INTS6: variants seen among roughly 807,000 people sequenced by gnomAD.
The protein encoded by INTS6 is integrator complex subunit 6.
INTS6 carries 16 observed loss-of-function variants against 104.9 expected under a neutral mutation model. That is an observed-to-expected ratio of 0.15 (90% confidence interval 0.10 to 0.23). The LOEUF is 0.23. Among genes scored for constraint, INTS6 ranks in the 10% least tolerant of loss-of-function variants. INTS6 has a pLI of 1.00. For synonymous variants in INTS6, 324 were observed against 358.7 expected (o/e 0.90, Z 1.09); for missense variants, 584 against 1,062.8 (o/e 0.55, Z 6.26).
At chr13:51,368,303 A>G (rs78161914) in intron 16 of INTS6, among the ~76,000 whole-genome samples, 1,774 of 152,190 alleles carry the variant, frequency 0.012, 52 homozygotes, top group East Asian at 0.067. Flanking sequence ...TAAGAGTGTT[A>G]TTTCAGTTTA....
At chr13:51,410,148 T>C (rs1335487378) in intron 4 of INTS6, among the ~76,000 whole-genome samples, 1 of 152,218 alleles carries the variant, frequency 6.6e-6, no homozygotes, top group Non-Finnish European at 1.5e-5. Context: ...AAAAGTGTCA[T>C]TTTTCCCTCA....
rs781462547 is a variant in INTS6 at position 51,378,433 on chromosome 13, C to T, written c.1408G>A (p.Val470Ile). The T allele has an allele frequency of 1.2e-6, 2 of 1,612,812 alleles. No individual in the cohort carries two copies. The highest frequency in any genetic ancestry group is 1.7e-5 in the Admixed American group (1 of 59,988). Residue 470 changes from valine (V) to isoleucine (I), a missense_variant, in exon 12 of 18, where the codon GTC becomes ATC. This residue lies in a region of INTS6 where 74 missense variants were observed against 64.4 expected (regional missense o/e 1.15). Transcript: ENST00000311234. ...ACTTTTTTGCCTACAGATCCAATGA[C>T]TCGATCAGATTCTATTTTGGCCTAA... The part of the protein sequence containing the change: ...SQQAKIESDR[V>I]IGSVGKKVVQ...
At chr13:51,372,055 G>A (rs1955817103) in intron 15 of INTS6, among the ~76,000 whole-genome samples, 1 of 152,108 alleles carries the variant, frequency 6.6e-6, no homozygotes, top group Non-Finnish European at 1.5e-5. Flanking sequence ...AAGCATCTCT[G>A]ATATTAAAAA....
rs1953099362 is a variant in INTS6, at chr13:51,452,994, CCGG to C, written c.-472_-470del. 3 of 1,003,562 alleles carry C rather than the reference CCGG, an allele frequency of 3.0e-6. No individual in the cohort carries two copies. The highest frequency in any genetic ancestry group is 3.6e-6 in the Non-Finnish European group (3 of 840,876). 62.2% of individuals were successfully genotyped at this position (1,003,562 alleles called of 1,614,324 possible). On this transcript the variant is annotated 5_prime_UTR_variant, in exon 1 of 18. Coordinates refer to ENST00000311234, the MANE Select transcript of INTS6 (RefSeq NM_012141.3). This position sits in a 1 kb window ranked among gnomAD's most constrained non-coding sequence, Gnocchi z 4.2. Reference sequence around the variant, plus strand: ...AAGTTTCAGGGACTCCCTCCGCACCCCGGCGGTGTCACCACTTTCTCAGCCCCT... The same window carrying C: ...AAGTTTCAGGGACTCCCTCCGCACCCCGGTGTCACCACTTTCTCAGCCCCT...
At chr13:51,439,924 A>G (rs1383603948) in intron 3 of INTS6, 1 of 152,198 alleles carries the variant, frequency 6.6e-6, no homozygotes, top group East Asian at 1.9e-4. Flanking sequence ...GTGTGCGCCT[A>G]GAAAAATGAG....
At chr13:51,350,817 A>G (rs1955396270), downstream of INTS6, among the ~76,000 whole-genome samples, 1 of 151,936 alleles carries the variant, frequency 6.6e-6, no homozygotes, top group African/African-American at 2.4e-5. Flanking sequence ...CCTCCCAGCA[A>G]CCTCTGATCT....
At chr13:51,361,471 A>G, downstream of INTS6, 1 of 755,152 alleles carries the variant, frequency 1.3e-6, no homozygotes, top group Non-Finnish European at 2.2e-6. Context: ...CCCCAAGTTC[A>G]GGTGTGGTGT....
At chr13:51,335,962 G>C in the INTS6 span, 4 of 152,102 alleles carry the variant, frequency 2.6e-5, no homozygotes, top group African/African-American at 7.2e-5. Context: ...TCAAGAGAGG[G>C]GTGCTTGCAT....
downstream of INTS6, among the ~76,000 whole-genome samples, chr13:51,353,573 A>G (rs1955432988): frequency 6.6e-6 from 1 of 152,206 alleles, no homozygotes; most frequent in Non-Finnish European, 1.5e-5. Context: ...CTGTTTCAGC[A>G]TTTAGAGTTT....
At chr13:51,390,772 G>A (rs1956232469) in intron 5 of INTS6, among the ~76,000 whole-genome samples, 1 of 151,998 alleles carries the variant, frequency 6.6e-6, no homozygotes, top group Non-Finnish European at 1.5e-5. Context: ...CAACTTAACT[G>A]TATAAAATAA....
At chr13:51,411,559 A>G (rs1956688680) in intron 4 of INTS6, among the ~76,000 whole-genome samples, 1 of 151,996 alleles carries the variant, frequency 6.6e-6, no homozygotes, top group Non-Finnish European at 1.5e-5. Context: ...TCTCAAAAAA[A>G]AAAAAGAAAA....
At position 51,452,533 on chromosome 13, in the gene INTS6, G is replaced by A. The variant is rs1404097242; in HGVS notation, c.-8C>T. ...GAACAGTAAGATGGGCATAGTGCTG[G>A]CCGGGGACACCGGGGCCCGAGGTGG... On this transcript the variant is annotated 5_prime_UTR_variant, in exon 1 of 18. Transcript: ENST00000311234. This position sits in a 1 kb window ranked among gnomAD's most constrained non-coding sequence, Gnocchi z 4.2. The A allele has an allele frequency of 1.2e-6, 2 of 1,609,750 alleles. No individual in the cohort carries two copies. The highest frequency in any genetic ancestry group is 8.5e-7 in the Non-Finnish European group (1 of 1,177,334).
At chr13:51,425,781 T>C (rs1175131907) in intron 4 of INTS6, among the ~76,000 whole-genome samples, 1 of 152,072 alleles carries the variant, frequency 6.6e-6, no homozygotes, top group Non-Finnish European at 1.5e-5. Context: ...ACCAAAACAT[T>C]TGATATATCA....
chr13:51,427,583 A>G (rs1346961657), intron 4 of INTS6, among the ~76,000 whole-genome samples: 1 of 152,174 alleles, frequency 6.6e-6, no homozygotes, highest in Non-Finnish European at 1.5e-5. Context: ...TCGTTGGTAC[A>G]TTAAGAAGAA....
At chr13:51,346,162 T>TA in the INTS6 span, among the ~76,000 whole-genome samples, 1 of 152,184 alleles carries the variant, frequency 6.6e-6, no homozygotes, top group Admixed American at 6.5e-5. Context: ...ATTAAACAAA[T>TA]AAACAGCTGG....
chr13:51,390,143 T>C (rs1194783868), intron 5 of INTS6, among the ~76,000 whole-genome samples: 1 of 152,010 alleles, frequency 6.6e-6, no homozygotes, highest in Non-Finnish European at 1.5e-5. Context: ...AAAGATCTTT[T>C]AAAGAGGAAT....
At position 51,423,050 on chromosome 13, in the gene INTS6, T is replaced by C. The variant is rs750122601; in HGVS notation, c.429+7244A>G. The C allele has an allele frequency of 3.9e-6, 5 of 1,281,258 alleles. No homozygotes were observed. In the South Asian group the frequency reaches 6.3e-5, roughly 16 times the overall value. 79.4% of individuals were successfully genotyped at this position (1,281,258 alleles called of 1,614,324 possible). A position where few individuals can be genotyped will look rare whatever the true frequency, so the allele number is the denominator to read the frequency against. On this transcript the variant is annotated intron_variant, in intron 4 of 17. Transcript: ENST00000311234. ...CTTGCCTGTCTTCAAAGATAATACG[T>C]TTTCTAGCCTTGCTTAATTCCATCT...
chr13:51,414,809 A>G (rs1416664603), intron 4 of INTS6, among the ~76,000 whole-genome samples: 1 of 148,322 alleles, frequency 6.7e-6, no homozygotes, highest in South Asian at 2.1e-4. Flanking sequence ...TTCCTTCTAT[A>G]TATGTATGTA....
rs1593791317 is a variant in INTS6, at chr13:51,452,372, GC to G, written c.111+42del. On this transcript the variant is annotated intron_variant, in intron 1 of 17. Coordinates refer to ENST00000311234, the MANE Select transcript of INTS6 (RefSeq NM_012141.3). This position sits in a 1 kb window ranked among gnomAD's most constrained non-coding sequence, Gnocchi z 4.2. ...CCCTCCCCCACCCTGCCGCCCGCGG[GC>G]CGCCGGGCCGGGGTCGCCGCCCGGG... 1 of 1,493,748 alleles carries G rather than the reference GC, an allele frequency of 6.7e-7. No individual in the cohort carries two copies. The allele number at this position is 1,493,748 out of a possible 1,614,324, so 92.5% of individuals were successfully genotyped here. A position where few individuals can be genotyped will look rare whatever the true frequency, so the allele number is the denominator to read the frequency against.
Sources: gnomAD v4.1 joint callset for allele counts (sites outside exome capture counted in the v4.1 genomes callset) on GRCh38, gnomAD v4.1.1 for gene constraint, gnomAD v4.1.1 regional missense constraint, Gnocchi (gnomAD v3.1) non-coding constraint, MANE v1.5 for transcripts, NCBI Gene and HGNC (gene_info 2026-07-23, HGNC 2026-07-21) for gene names.